HS3ST5: variants seen among roughly 807,000 people sequenced by gnomAD.
HS3ST5 encodes heparan sulfate glucosamine 3-O-sulfotransferase 5.
Under a neutral mutation model 25.4 loss-of-function variants are expected in HS3ST5, and 10 were observed. That is an observed-to-expected ratio of 0.39 (90% confidence interval 0.24 to 0.67). The LOEUF (loss-of-function observed/expected upper bound fraction) is 0.67, where lower values mean the gene tolerates loss of function less well. Among genes scored for constraint, HS3ST5 ranks in the 30% least tolerant of loss-of-function variants. The probability of loss-of-function intolerance (pLI) is 0.44; values close to 1 mark genes in which losing one functional copy is unlikely to be tolerated. For synonymous variants in HS3ST5, 170 were observed against 162.4 expected (o/e 1.05, Z -0.36); for missense variants, 324 against 420.7 (o/e 0.77, Z 2.01).
intron 1 of HS3ST5, among the ~76,000 whole-genome samples, chr6:114,311,539 C>CTTTTTTTTTTTTTTTT (rs11463610): frequency 1.2e-5 from 1 of 84,880 alleles, no homozygotes. Context: ...TTCTCTCTCT[C>CTTTTTTTTTTTTTTTT]TTTTTTTTTT....
At chr6:114,211,569 C>T (rs1321439783) in intron 2 of HS3ST5, among the ~76,000 whole-genome samples, 2 of 152,122 alleles carry the variant, frequency 1.3e-5, no homozygotes, top group African/African-American at 4.8e-5. Flanking sequence ...TTATGAGACT[C>T]ATGAATATAT....
intron 1 of HS3ST5, among the ~76,000 whole-genome samples, chr6:114,301,035 G>T (rs1775052165): frequency 6.6e-6 from 1 of 152,166 alleles, no homozygotes; most frequent in Non-Finnish European, 1.5e-5. Context: ...TCTAACGGGT[G>T]CAGGGATTAC....
intron 1 of HS3ST5, among the ~76,000 whole-genome samples, chr6:114,282,204 A>C (rs1319626297): frequency 6.6e-6 from 1 of 152,024 alleles, no homozygotes; most frequent in Non-Finnish European, 1.5e-5. Context: ...ACATATTAAC[A>C]TAAAAAATCC....
In HS3ST5 at chr6:114,165,135, A is replaced by G. The variant is rs532862240; in HGVS notation, c.-33+3216T>C. ...TAATGCTCCAGATGAAGAGCTTGCC[A>G]TACAACTGTTCCTTATACAAGGTAC... On this transcript the variant is annotated intron_variant, in intron 3 of 4. Coordinates refer to ENST00000312719, the MANE Select transcript of HS3ST5 (RefSeq NM_153612.4). Among the ~76,000 whole-genome samples, 3 of 152,300 alleles carry G rather than the reference A, an allele frequency of 2.0e-5. No individual in the cohort carries two copies. In the East Asian group the frequency reaches 5.8e-4, roughly 29 times the overall value.
chr6:114,079,075 G>T (rs1562187645), intron 3 of HS3ST5, among the ~76,000 whole-genome samples: 1 of 152,198 alleles, frequency 6.6e-6, no homozygotes, highest in African/African-American at 2.4e-5. Flanking sequence ...TCGGTGAGTT[G>T]TAATCTTTTT....
chr6:114,268,434 C>T (rs72956210), intron 1 of HS3ST5, among the ~76,000 whole-genome samples: 3 of 152,166 alleles, frequency 2.0e-5, no homozygotes, highest in East Asian at 3.9e-4. Flanking sequence ...CCTAAGAGGG[C>T]CCTTACCTAG....
chr6:114,215,510 T>C (rs1424220446), intron 2 of HS3ST5, among the ~76,000 whole-genome samples: 2 of 152,030 alleles, frequency 1.3e-5, no homozygotes, highest in Admixed American at 6.6e-5. Flanking sequence ...GATTTCCCCA[T>C]GGATATGACC....
At chr6:114,282,461 C>T (rs1349310924) in intron 1 of HS3ST5, among the ~76,000 whole-genome samples, 2 of 151,918 alleles carry the variant, frequency 1.3e-5, no homozygotes, top group African/African-American at 2.4e-5. Flanking sequence ...ACAGCATCCC[C>T]GTTCTCTTAG....
intron 2 of HS3ST5, among the ~76,000 whole-genome samples, chr6:114,172,424 C>G (rs1012061233): frequency 7.2e-5 from 11 of 152,180 alleles, no homozygotes; most frequent in African/African-American, 2.7e-4. Context: ...TTCAGTTTAA[C>G]ATTTCAACTA....
chr6:114,186,561 T>C (rs1780226906), intron 2 of HS3ST5, among the ~76,000 whole-genome samples: 1 of 152,168 alleles, frequency 6.6e-6, no homozygotes, highest in Non-Finnish European at 1.5e-5. Context: ...GGTTGGTTCA[T>C]TAGGTTTAAA....
intron 2 of HS3ST5, among the ~76,000 whole-genome samples, chr6:114,190,709 G>A (rs1018561767): frequency 3.3e-5 from 5 of 152,046 alleles, no homozygotes; most frequent in Non-Finnish European, 7.4e-5. Flanking sequence ...GTCTCTGTAT[G>A]GGTCCTATGT....
intron 1 of HS3ST5, among the ~76,000 whole-genome samples, chr6:114,238,508 G>GTACA (rs1771961821): frequency 6.6e-6 from 1 of 152,160 alleles, no homozygotes; most frequent in Non-Finnish European, 1.5e-5. Flanking sequence ...GTTTCAGGAT[G>GTACA]TACACGTACA....
intron 1 of HS3ST5, among the ~76,000 whole-genome samples, chr6:114,301,618 T>A (rs1314858013): frequency 6.6e-6 from 1 of 152,164 alleles, no homozygotes; most frequent in Non-Finnish European, 1.5e-5. Context: ...CACTCTTTCC[T>A]AAATATGGTA....
At chr6:114,123,102 C>T (rs186457303) in intron 3 of HS3ST5, among the ~76,000 whole-genome samples, 11 of 152,232 alleles carry the variant, frequency 7.2e-5, no homozygotes, top group African/African-American at 1.7e-4. Flanking sequence ...TACAGGCATG[C>T]GCCACCGCAC....
chr6:114,260,884 G>A lies in HS3ST5; in HGVS notation c.-338-32106C>T, dbSNP rs1244453928. The stretch of plus-strand genomic sequence containing the variant: ...GAAGCTGGAGAGGAGTGCAACATTA[G>A]GTAGGTCCTAAACTGTTTAAAAATA... On this transcript the variant is annotated intron_variant, in intron 1 of 4. Transcript: ENST00000312719. Among the ~76,000 whole-genome samples the A allele has an allele frequency of 2.6e-5, 4 of 152,292 alleles. No individual in the cohort carries two copies. In the South Asian group the frequency reaches 6.2e-4, roughly 24 times the overall value.
intron 3 of HS3ST5, among the ~76,000 whole-genome samples, chr6:114,065,520 C>A (rs1278984466): frequency 1.3e-5 from 2 of 152,186 alleles, no homozygotes; most frequent in Non-Finnish European, 2.9e-5. Context: ...GTTTCCTTTT[C>A]TTATCTACAA....
intron 2 of HS3ST5, among the ~76,000 whole-genome samples, chr6:114,213,416 T>C (rs952051241): frequency 3.3e-5 from 5 of 151,896 alleles, no homozygotes; most frequent in African/African-American, 1.2e-4. Flanking sequence ...CAGGAAGGCA[T>C]GTTCTCACTC....
intron 1 of HS3ST5, among the ~76,000 whole-genome samples, chr6:114,324,003 G>A (rs1776074167): frequency 6.6e-6 from 1 of 152,092 alleles, no homozygotes; most frequent in Non-Finnish European, 1.5e-5. Context: ...CCCCCTGCTG[G>A]GGGACACTGG....
At chr6:114,063,756 T>C (rs1453138659) in intron 3 of HS3ST5, among the ~76,000 whole-genome samples, 1 of 152,200 alleles carries the variant, frequency 6.6e-6, no homozygotes, top group African/African-American at 2.4e-5. Flanking sequence ...GGATGTCACA[T>C]GTTTGAGGAC....
Sources: allele counts gnomAD v4.1 joint callset (sites outside exome capture counted in the v4.1 genomes callset), GRCh38; gene constraint gnomAD v4.1.1; transcripts MANE v1.5; gene names NCBI Gene and HGNC (gene_info 2026-07-23, HGNC 2026-07-21).